Variants in TRPA1 observed in about 807,000 individuals in gnomAD.
The protein encoded by TRPA1 is ankyrin-like with transmembrane domains 1.
TRPA1 carries 129 observed loss-of-function variants against 131.3 expected under a neutral mutation model. That is an observed-to-expected ratio of 0.98 (90% CI 0.85 to 1.14). TRPA1 has a LOEUF of 1.14. Among genes scored for constraint, TRPA1 ranks in the 50% most tolerant of loss-of-function variants. The pLI, the probability that TRPA1 is intolerant of heterozygous loss-of-function variation, is 0.00. For missense variants in TRPA1, 1,304 were observed against 1,354.2 expected, an observed-to-expected ratio of 0.96 and a Z score of 0.58; for synonymous variants, 441 against 451.7, an observed-to-expected ratio of 0.98 and a Z score of 0.30.
intron 7 of TRPA1, 116 bp from the exon 8 acceptor site, chr8:72,059,554 T>C (rs1003919862): frequency 1.4e-5 from 9 of 643,386 alleles, no homozygotes; most frequent in Middle Eastern, 4.3e-4. Context: ...AATAACATGA[T>C]AGAATGTTAG....
At chr8:72,041,170 A>G (rs1812238821) in intron 17 of TRPA1, 1 of 152,098 alleles carries the variant, frequency 6.6e-6, no homozygotes, top group Non-Finnish European at 1.5e-5. Flanking sequence ...AGATACAACA[A>G]TCATAAATAT....
At chr8:72,059,946 G>A (rs1805768554) in intron 7 of TRPA1, among the ~76,000 whole-genome samples, 1 of 152,010 alleles carries the variant, frequency 6.6e-6, no homozygotes, top group Non-Finnish European at 1.5e-5. Flanking sequence ...AAAACATTTT[G>A]GTATCATCTC....
intron 12 of TRPA1, 104 bp from the exon 13 acceptor site, chr8:72,053,971 C>T (rs1805595949): frequency 1.3e-6 from 1 of 766,358 alleles, no homozygotes; most frequent in East Asian, 2.7e-5. Flanking sequence ...CAACAAAAAG[C>T]ATTATTGAGA....
intron 21 of TRPA1, among the ~76,000 whole-genome samples, chr8:72,035,114 A>G (rs2129433506): frequency 6.6e-6 from 1 of 152,276 alleles, no homozygotes; most frequent in Non-Finnish European, 1.5e-5. Context: ...ATATTGTGAA[A>G]TGTTTGGATA....
intron 23 of TRPA1, among the ~76,000 whole-genome samples, chr8:72,030,518 T>C (rs1438440726): frequency 1.3e-5 from 2 of 152,228 alleles, no homozygotes; most frequent in Admixed American, 6.5e-5. Flanking sequence ...GCAACGATGA[T>C]GGCCACATTC....
intron 17 of TRPA1, among the ~76,000 whole-genome samples, chr8:72,041,806 A>G (rs1805482690): frequency 6.6e-6 from 1 of 151,764 alleles, no homozygotes; most frequent in Non-Finnish European, 1.5e-5. Flanking sequence ...AAGGAAATAA[A>G]GAAAGAAGAA....
chr8:72,041,058 A>G (rs930683635), intron 17 of TRPA1: 2 of 152,086 alleles, frequency 1.3e-5, no homozygotes, highest in African/African-American at 4.8e-5. Context: ...TGAAGTGAAA[A>G]GAAACAGCCA....
At chr8:72,057,652 A>G (rs977724252) in intron 9 of TRPA1, 65 bp downstream of exon 9, 18 of 1,184,746 alleles carry the variant, frequency 1.5e-5, no homozygotes, top group Non-Finnish European at 2.2e-5. Flanking sequence ...TTTGGCACAC[A>G]GTGAATGTTC....
chr8:72,039,743 A>G lies in TRPA1; in HGVS notation c.2116T>C (p.Tyr706His), dbSNP rs764985817. 1.9e-6 allele frequency: 3 copies of G among 1,607,752 alleles called. No individual in the cohort carries two copies. Among genetic ancestry groups the G allele is most frequent in the Middle Eastern group, 3.3e-4 (2 of 6,044 alleles). ...ELLNHPVCKE[Y>H]LLMKWLAYGF... Reference sequence around the variant, plus strand: ...AATACCCACCATTTCATGAGTAAATATTCTTTACACACAGGATGATTGAGA... The same window carrying G: ...AATACCCACCATTTCATGAGTAAATGTTCTTTACACACAGGATGATTGAGA... Residue 706 changes from tyrosine to histidine, a missense_variant, in exon 18 of 27, where the codon TAT (tyrosine) becomes CAT (histidine). Tyr to His is a moderately conservative substitution (Grantham distance 83). Transcript: ENST00000262209.
intron 23 of TRPA1, among the ~76,000 whole-genome samples, chr8:72,032,761 TA>T (rs1811875978): frequency 6.6e-6 from 1 of 152,212 alleles, no homozygotes; most frequent in Non-Finnish European, 1.5e-5. Flanking sequence ...GTCACCAAAA[TA>T]AAACTCTGGA....
intron 23 of TRPA1, among the ~76,000 whole-genome samples, chr8:72,032,997 C>T (rs1331680619): frequency 1.3e-5 from 2 of 152,200 alleles, no homozygotes; most frequent in African/African-American, 4.8e-5. Flanking sequence ...CATCAGCCAA[C>T]GTGCTCATGC....
chr8:72,079,828 A>T (rs1806255970), upstream of TRPA1, among the ~76,000 whole-genome samples: 1 of 151,858 alleles, frequency 6.6e-6, no homozygotes, highest in African/African-American at 2.4e-5. Flanking sequence ...ATCTGTCTTG[A>T]TTCTCTCAGC....
chr8:72,085,520 C>T, the TRPA1 span, among the ~76,000 whole-genome samples: 1 of 151,834 alleles, frequency 6.6e-6, no homozygotes, highest in Non-Finnish European at 1.5e-5. Context: ...TATTTATCTT[C>T]TTTAATTTTT....
intron 17 of TRPA1, among the ~76,000 whole-genome samples, chr8:72,040,089 A>G (rs1812200571): frequency 6.6e-6 from 1 of 152,148 alleles, no homozygotes; most frequent in Non-Finnish European, 1.5e-5. Context: ...AAAGGACATT[A>G]AAGATAAATT....
chr8:72,065,613 C>CT, intron 3 of TRPA1, 55 bp from the exon 4 acceptor site: 1 of 1,315,514 alleles, frequency 7.6e-7, no homozygotes, highest in Admixed American at 1.7e-5. Flanking sequence ...AAATAAGGTA[C>CT]TTGCCTTCCA....
intron 17 of TRPA1, chr8:72,041,389 C>A (rs748287290): frequency 7.2e-5 from 11 of 151,970 alleles, no homozygotes; most frequent in Non-Finnish European, 1.5e-4. Flanking sequence ...GAACAGTTCA[C>A]CCTATGATGC....
At chr8:72,047,377 CA>C (rs1315791731) in intron 15 of TRPA1, among the ~76,000 whole-genome samples, 170 bp from the exon 16 acceptor site, 1 of 151,924 alleles carries the variant, frequency 6.6e-6, no homozygotes, top group Non-Finnish European at 1.5e-5. Flanking sequence ...GTTTAAAATA[CA>C]AAATGTTACA....
At chr8:72,066,978 C>A (rs1327381836) in intron 3 of TRPA1, among the ~76,000 whole-genome samples, 2 of 152,302 alleles carry the variant, frequency 1.3e-5, no homozygotes, top group Admixed American at 1.3e-4. Context: ...TGAATTAAAG[C>A]CCCAAGGACT....
intron 1 of TRPA1, among the ~76,000 whole-genome samples, chr8:72,072,887 A>G (rs1806097098): frequency 6.6e-6 from 1 of 152,218 alleles, no homozygotes; most frequent in African/African-American, 2.4e-5. Context: ...ATTCACAATA[A>G]CAAAACAGCA....
Sources: allele counts gnomAD v4.1 joint callset (sites outside exome capture counted in the v4.1 genomes callset), GRCh38; gene constraint gnomAD v4.1.1; transcripts MANE v1.5; gene names NCBI Gene and HGNC (gene_info 2026-07-23, HGNC 2026-07-21).